The following DLGAP1 variants were observed in gnomAD, a reference collection of about 807,000 sequenced individuals.
The protein encoded by DLGAP1 is disks large-associated protein 1.
DLGAP1 carries 11 observed loss-of-function variants against 90.8 expected under a neutral mutation model. The observed-to-expected ratio is 0.12, with a 90% confidence interval of 0.08 to 0.20. The LOEUF (loss-of-function observed/expected upper bound fraction) is 0.20. Among genes scored for constraint, DLGAP1 ranks in the 10% least tolerant of loss-of-function variants. DLGAP1 has a pLI of 1.00. For missense variants in DLGAP1, 1,050 were observed against 1,333.8 expected (o/e 0.79, Z 3.31); for synonymous variants, 558 against 540.7 (o/e 1.03, Z -0.44).
Position 4,086,257 on chromosome 18 carries a change from T to C in DLGAP1, c.-159+64923A>G, listed in dbSNP as rs185788362. Among the ~76,000 whole-genome samples, 448 of 152,296 alleles carry C rather than the reference T, an allele frequency of 2.9e-3. 9 individuals are homozygous for C. Among genetic ancestry groups the C allele is most frequent in the South Asian group, 6.6e-3 (32 of 4,824 alleles). The stretch of plus-strand genomic sequence containing the variant: ...AGGCATCCCAAAAGAGCACTAAAGC[T>C]GGTTTAGATTTAGTCATTCAATTGC... On this transcript the variant is annotated intron_variant, in intron 2 of 12. Transcript: ENST00000315677.
intron 1 of DLGAP1, among the ~76,000 whole-genome samples, chr18:4,317,308 C>G (rs970719548): frequency 1.3e-5 from 2 of 152,154 alleles, no homozygotes; most frequent in Admixed American, 1.3e-4. Flanking sequence ...CTATTACCAT[C>G]TTTTTCAAAT....
intron 3 of DLGAP1, among the ~76,000 whole-genome samples, chr18:3,975,957 GT>G (rs1568329639): frequency 6.6e-6 from 1 of 152,086 alleles, no homozygotes; most frequent in Non-Finnish European, 1.5e-5. Context: ...GGGGTGCAGA[GT>G]TTCCACTTGG....
At chr18:3,751,158 A>C (rs2063478048) in intron 5 of DLGAP1, among the ~76,000 whole-genome samples, 1 of 152,192 alleles carries the variant, frequency 6.6e-6, no homozygotes, top group Non-Finnish European at 1.5e-5. Context: ...AACCCCTAAC[A>C]CTTGAGTGCT....
At chr18:4,262,189 A>C (rs1050701979) in intron 1 of DLGAP1, among the ~76,000 whole-genome samples, 1 of 152,234 alleles carries the variant, frequency 6.6e-6, no homozygotes, top group African/African-American at 2.4e-5. Context: ...AAAGCTATTC[A>C]AAGAAAGCTT....
intron 2 of DLGAP1, among the ~76,000 whole-genome samples, chr18:4,140,540 C>G (rs768737187): frequency 1.1e-4 from 16 of 151,996 alleles, no homozygotes; most frequent in South Asian, 6.2e-4. Flanking sequence ...CTTAGTCTTT[C>G]TAGTCAAGAT....
At chr18:3,836,387 T>C (rs958028646) in intron 4 of DLGAP1, among the ~76,000 whole-genome samples, 2 of 152,204 alleles carry the variant, frequency 1.3e-5, no homozygotes, top group African/African-American at 4.8e-5. Context: ...TGTGAGGGCA[T>C]GGGTATATGC....
intron 3 of DLGAP1, among the ~76,000 whole-genome samples, chr18:3,894,466 G>T (rs1247979942): frequency 1.3e-5 from 2 of 152,230 alleles, no homozygotes; most frequent in South Asian, 2.1e-4. Context: ...ATGGAATAGG[G>T]TATCCTTTCC....
chr18:4,409,061 A>G (rs950146228), intron 1 of DLGAP1, among the ~76,000 whole-genome samples: 15 of 152,148 alleles, frequency 9.9e-5, no homozygotes, highest in Non-Finnish European at 1.6e-4. Context: ...TAGGTTATTT[A>G]AATAAATTAT....
chr18:3,620,081 A>G (rs2058041156), intron 7 of DLGAP1, among the ~76,000 whole-genome samples: 1 of 152,054 alleles, frequency 6.6e-6, no homozygotes, highest in South Asian at 2.1e-4. Flanking sequence ...CTTCTAGGGA[A>G]AAAAAGGACT....
chr18:3,769,153 A>C (rs1291421713), intron 5 of DLGAP1, among the ~76,000 whole-genome samples: 1 of 152,168 alleles, frequency 6.6e-6, no homozygotes, highest in Non-Finnish European at 1.5e-5. Flanking sequence ...AGAGTTCAAC[A>C]TCACTAGTCA....
At chr18:3,597,578 G>A (rs1206538702) in intron 7 of DLGAP1, 1 of 254,484 alleles carries the variant, frequency 3.9e-6, no homozygotes, top group Admixed American at 5.5e-5. Flanking sequence ...CAGTAACCTT[G>A]GTTCACTGGC....
At chr18:4,152,043 C>T (rs1432472125) in intron 1 of DLGAP1, among the ~76,000 whole-genome samples, 1 of 152,216 alleles carries the variant, frequency 6.6e-6, no homozygotes, top group South Asian at 2.1e-4. Flanking sequence ...TGGACCCACA[C>T]TTATGAAGGA....
chr18:4,367,004 CAAAAAAAAAAA>C (rs67286288), intron 1 of DLGAP1, among the ~76,000 whole-genome samples: 4 of 60,742 alleles, frequency 6.6e-5, no homozygotes, highest in Non-Finnish European at 6.0e-5. Flanking sequence ...CTGTCAATGG[CAAAAAAAAAAA>C]AAAAAAAAAA....
At chr18:3,781,597 C>A (rs1257619062) in intron 5 of DLGAP1, among the ~76,000 whole-genome samples, 1 of 152,090 alleles carries the variant, frequency 6.6e-6, no homozygotes, top group Non-Finnish European at 1.5e-5. Context: ...TTGTGATCTG[C>A]CCGTCTCAGC....
chr18:3,659,394 TACACACACACACAC>T (rs71366699), intron 7 of DLGAP1, among the ~76,000 whole-genome samples: 1,247 of 102,100 alleles, frequency 0.012, 41 homozygotes, highest in African/African-American at 0.048. Context: ...CATACATTTA[TACACACACACACAC>T]ACACACACAC....
chr18:4,065,482 T>C (rs1312423763), intron 2 of DLGAP1, among the ~76,000 whole-genome samples: 1 of 152,040 alleles, frequency 6.6e-6, no homozygotes, highest in African/African-American at 2.4e-5. Context: ...AATTTCAGGA[T>C]ACAAAATTAA....
chr18:3,835,950 A>T, intron 4 of DLGAP1, among the ~76,000 whole-genome samples: 1 of 152,184 alleles, frequency 6.6e-6, no homozygotes, highest in East Asian at 1.9e-4. Context: ...AAACAAATAT[A>T]AAGTTGATGT....
chr18:4,405,814 T>C (rs568219887), intron 1 of DLGAP1, among the ~76,000 whole-genome samples: 76 of 152,302 alleles, frequency 5.0e-4, no homozygotes, highest in African/African-American at 1.3e-3. Context: ...GAGAATAGAC[T>C]TGCTACCGGG....
intron 7 of DLGAP1, among the ~76,000 whole-genome samples, chr18:3,678,129 T>C (rs2060378656): frequency 6.6e-6 from 1 of 150,728 alleles, no homozygotes; most frequent in South Asian, 2.1e-4. Flanking sequence ...ACCTGGCTAA[T>C]TTTTGTATTT....
Sources: gnomAD v4.1 joint callset for allele counts (sites outside exome capture counted in the v4.1 genomes callset) on GRCh38, gnomAD v4.1.1 for gene constraint, MANE v1.5 for transcripts, NCBI Gene and HGNC (gene_info 2026-07-23, HGNC 2026-07-21) for gene names.